CSMD1: variants seen among roughly 807,000 people sequenced by gnomAD.
CSMD1 encodes the protein CUB and sushi domain-containing protein 1.
Under a neutral mutation model 417.5 loss-of-function variants are expected in CSMD1, and 213 were observed. The ratio of observed to expected loss-of-function variants is 0.51; its 90% CI spans 0.46 to 0.57. The LOEUF is 0.57. CSMD1 is among the 20% of genes least tolerant of loss of function. The pLI is 0.00. For missense variants in CSMD1, 6,923 were observed against 4,529.7 expected, an observed-to-expected ratio of 1.53 and a Z score of -15.17; for synonymous variants, 2,862 against 1,736.8, an observed-to-expected ratio of 1.65 and a Z score of -16.11.
At position 3,762,612 on chromosome 8, in the gene CSMD1, C is replaced by T. The variant is rs142273546; in HGVS notation, c.819-8570G>A. Among the ~76,000 whole-genome samples, 221 of 152,300 alleles carry T rather than the reference C, an allele frequency of 1.5e-3. 2 individuals are homozygous for T. Among genetic ancestry groups the T allele is most frequent in the African/African-American group, 5.0e-3 (207 of 41,580 alleles). ...TAACATGGGAAGCCCATGACTTGGC[C>T]CTAAGCCGCTCTTGTCTGTGGAAGG... On this transcript the variant is annotated intron_variant, in intron 5 of 69. Coordinates refer to ENST00000635120, the MANE Select transcript of CSMD1 (RefSeq NM_033225.6).
chr8:4,478,636 G>A lies in CSMD1; in HGVS notation c.303-58571C>T, dbSNP rs538829896. Among the ~76,000 whole-genome samples, 8 of 152,232 alleles carry A rather than the reference G, an allele frequency of 5.3e-5. No homozygotes were observed. The South Asian group carries it at 1.2e-3, about 24-fold the overall frequency. On this transcript the variant is annotated intron_variant, in intron 2 of 69. Transcript: ENST00000635120. ...CAGGGCGTTATAAACTATCAGAGAGGAAACTATAAATTTTCTAATGTCAAG... is the reference window on the plus strand; with the variant it reads ...CAGGGCGTTATAAACTATCAGAGAGAAAACTATAAATTTTCTAATGTCAAG...
intron 1 of CSMD1, among the ~76,000 whole-genome samples, chr8:4,694,537 G>T (rs973736989): frequency 4.6e-5 from 7 of 151,600 alleles, no homozygotes; most frequent in African/African-American, 9.7e-5. Flanking sequence ...TTTTGGGGGG[G>T]TATTTTTAGT....
At chr8:3,137,457 G>A (rs1818169066) in intron 41 of CSMD1, among the ~76,000 whole-genome samples, 1 of 152,240 alleles carries the variant, frequency 6.6e-6, no homozygotes, top group South Asian at 2.1e-4. Flanking sequence ...GTAAGGCACT[G>A]CGCTTCCTGC....
At chr8:4,799,917 C>G (rs1408267176) in intron 1 of CSMD1, among the ~76,000 whole-genome samples, 7 of 152,088 alleles carry the variant, frequency 4.6e-5, no homozygotes, top group African/African-American at 1.7e-4. Context: ...ACTATGCATG[C>G]AGCTTTCGAA....
chr8:3,654,708 G>T (rs1029286120), intron 7 of CSMD1, among the ~76,000 whole-genome samples: 2 of 152,194 alleles, frequency 1.3e-5, no homozygotes, highest in Non-Finnish European at 2.9e-5. Context: ...CCAGCACAGG[G>T]ACACATTGGG....
At position 3,295,578 on chromosome 8, in the gene CSMD1, C is replaced by T. The variant is rs75253421; in HGVS notation, c.3951-11232G>A. 3.3e-3 allele frequency among the ~76,000 whole-genome samples: 507 copies of T among 152,240 alleles called. 5 individuals carry two copies. Among genetic ancestry groups the T allele is most frequent in the African/African-American group, 0.011 (454 of 41,528 alleles). On this transcript the variant is annotated intron_variant, in intron 25 of 69. Coordinates refer to ENST00000635120, the MANE Select transcript of CSMD1 (RefSeq NM_033225.6). ...ACATTTTAATTTTGACACGTGGTAC[C>T]GCACTGTATATTCCACTGTACTGAT...
At chr8:4,118,219 T>C (rs1355617813) in intron 3 of CSMD1, among the ~76,000 whole-genome samples, 1 of 152,008 alleles carries the variant, frequency 6.6e-6, no homozygotes, top group Non-Finnish European at 1.5e-5. Context: ...AAACTAAATT[T>C]TTAGCACATG....
intron 3 of CSMD1, among the ~76,000 whole-genome samples, chr8:4,136,659 T>C (rs980206083): frequency 3.9e-5 from 6 of 152,204 alleles, no homozygotes; most frequent in African/African-American, 1.4e-4. Flanking sequence ...CCTTTTTTCC[T>C]CTTATTGTCT....
chr8:3,356,953 A>G (rs923843467), intron 21 of CSMD1, among the ~76,000 whole-genome samples: 2 of 151,828 alleles, frequency 1.3e-5, no homozygotes, highest in African/African-American at 4.8e-5. Flanking sequence ...CACTTTGGAG[A>G]GAGCATTCTG....
chr8:3,613,105 T>C (rs534989297), intron 8 of CSMD1, among the ~76,000 whole-genome samples: 1 of 152,094 alleles, frequency 6.6e-6, no homozygotes, highest in East Asian at 1.9e-4. Context: ...TACTACTCAT[T>C]TAAAGGATAA....
chr8:3,744,849 T>C (rs886424985), intron 6 of CSMD1, among the ~76,000 whole-genome samples: 6 of 152,356 alleles, frequency 3.9e-5, no homozygotes, highest in Non-Finnish European at 7.3e-5. Context: ...TTAAGTCTGA[T>C]AAATGCTCAT....
intron 6 of CSMD1, among the ~76,000 whole-genome samples, chr8:3,719,714 C>T (rs1802040607): frequency 6.6e-6 from 1 of 152,130 alleles, no homozygotes; most frequent in Non-Finnish European, 1.5e-5. Context: ...GCCCCCATAC[C>T]AGCCACATAT....
chr8:3,895,671 A>G (rs1195284305), intron 5 of CSMD1, among the ~76,000 whole-genome samples: 2 of 152,210 alleles, frequency 1.3e-5, no homozygotes, highest in African/African-American at 2.4e-5. Context: ...AGACACACAT[A>G]TTTATAATCC....
At chr8:3,435,473 C>A (rs991913188) in intron 12 of CSMD1, among the ~76,000 whole-genome samples, 1 of 152,060 alleles carries the variant, frequency 6.6e-6, no homozygotes, top group Non-Finnish European at 1.5e-5. Flanking sequence ...ACATTCTGTC[C>A]AATCCTTTCA....
rs34077036 is a variant in CSMD1 at position 3,260,405 on chromosome 8, A to G, written c.4153+23739T>C. On this transcript the variant is annotated intron_variant, in intron 26 of 69. Transcript: ENST00000635120. ...GTGGCCGAACAGGTTTGGAAAACAC[A>G]TAGAAGGAGTATATCCTCCAGCCCC... is the stretch of plus-strand genomic sequence containing the variant. Among the ~76,000 whole-genome samples, 365 of 130,806 alleles carry G rather than the reference A, an allele frequency of 2.8e-3. 1 individual carries two copies. Among genetic ancestry groups the G allele is most frequent in the African/African-American group, 7.3e-3 (293 of 40,006 alleles). 85.8% of individuals were successfully genotyped at this position (130,806 alleles called of 152,430 possible). A position where few individuals can be genotyped will look rare whatever the true frequency, so the allele number is the denominator to read the frequency against.
At chr8:3,624,452 CT>C (rs1796398907) in intron 7 of CSMD1, among the ~76,000 whole-genome samples, 1 of 152,168 alleles carries the variant, frequency 6.6e-6, no homozygotes, top group South Asian at 2.1e-4. Flanking sequence ...TAAACTCACA[CT>C]TTTTAGCACG....
chr8:3,541,222 C>T (rs775027434), intron 10 of CSMD1, among the ~76,000 whole-genome samples: 2 of 152,318 alleles, frequency 1.3e-5, no homozygotes, highest in East Asian at 3.9e-4. Context: ...AGATCACGTG[C>T]TTTGCAGGAA....
At chr8:3,421,809 T>G (rs1003659480) in intron 12 of CSMD1, among the ~76,000 whole-genome samples, 1 of 152,196 alleles carries the variant, frequency 6.6e-6, no homozygotes, top group African/African-American at 2.4e-5. Flanking sequence ...AGGTAATTCT[T>G]GTATTTTTCG....
intron 41 of CSMD1, among the ~76,000 whole-genome samples, chr8:3,136,254 C>CT (rs1158324400): frequency 0.018 from 2,298 of 129,462 alleles, 30 homozygotes; most frequent in East Asian, 0.067. Flanking sequence ...TTTTTTTTTT[C>CT]TTTTTTTTTT....
Sources: allele counts gnomAD v4.1 joint callset (sites outside exome capture counted in the v4.1 genomes callset), GRCh38; gene constraint gnomAD v4.1.1; transcripts MANE v1.5; gene names NCBI Gene and HGNC (gene_info 2026-07-23, HGNC 2026-07-21).